The following MEF2A variants were observed in gnomAD, a reference collection of about 807,000 sequenced individuals.
MEF2A encodes myocyte enhancer factor 2A.
In MEF2A, 28 loss-of-function variants were observed where a neutral mutation model predicts 55.8. That is an observed-to-expected ratio of 0.50 (90% CI 0.37 to 0.69). MEF2A has a LOEUF of 0.69. Ranked by LOEUF, MEF2A falls within the 30% of genes least tolerant of loss-of-function variation. The probability of loss-of-function intolerance (pLI) is 0.00; values close to 1 mark genes in which losing one functional copy is unlikely to be tolerated. For synonymous variants in MEF2A, 239 were observed against 227.1 expected (o/e 1.05, Z -0.47); for missense variants, 528 against 626.2 (o/e 0.84, Z 1.67).
intron 4 of MEF2A, among the ~76,000 whole-genome samples, chr15:99,665,984 T>C (rs766876442): frequency 6.6e-6 from 1 of 152,172 alleles, no homozygotes; most frequent in Non-Finnish European, 1.5e-5. Flanking sequence ...TTTATACTGC[T>C]GGTGGGAGTG....
At chr15:99,641,018 G>A (rs1460953575) in intron 3 of MEF2A, among the ~76,000 whole-genome samples, 3 of 151,902 alleles carry the variant, frequency 2.0e-5, no homozygotes, top group Admixed American at 6.6e-5. Context: ...CTGTGATCTC[G>A]CACGTATTTG....
chr15:99,643,808 G>T (rs989522491), intron 3 of MEF2A, among the ~76,000 whole-genome samples: 1 of 151,924 alleles, frequency 6.6e-6, no homozygotes, highest in African/African-American at 2.4e-5. Flanking sequence ...AGCCAAGATG[G>T]TCTCCATCTC....
intron 2 of MEF2A, among the ~76,000 whole-genome samples, chr15:99,617,380 A>G (rs563130467): frequency 8.6e-5 from 13 of 152,022 alleles, no homozygotes; most frequent in African/African-American, 2.7e-4. Context: ...GACACTTTAG[A>G]TATGTTATTA....
At position 99,598,685 on chromosome 15, in the gene MEF2A, A is replaced by G. The variant is rs372726094; in HGVS notation, c.-143+174A>G. 1.0e-3 allele frequency among the ~76,000 whole-genome samples: 157 copies of G among 152,212 alleles called. 3 individuals are homozygous for G. The South Asian group carries it at 0.032, about 31-fold the overall frequency. On this transcript the variant is annotated intron_variant, in intron 2 of 11. Coordinates refer to ENST00000557942, the MANE Select transcript of MEF2A (RefSeq NM_001319206.4). ...GTAAAATTCGGTTGAAATGCGTAAT[A>G]TTGTGTAGTGGCAGTTTCTCTTATA...
chr15:99,629,536 G>C (rs574890857), intron 2 of MEF2A, among the ~76,000 whole-genome samples: 143 of 152,258 alleles, frequency 9.4e-4, no homozygotes, highest in African/African-American at 3.2e-3. Context: ...AAGGGGAAGG[G>C]GTGTCTGTAA....
intron 2 of MEF2A, among the ~76,000 whole-genome samples, chr15:99,622,667 C>T (rs1251102947): frequency 1.3e-5 from 2 of 151,228 alleles, no homozygotes; most frequent in Non-Finnish European, 2.9e-5. Context: ...GCTGTACAGC[C>T]ATCACCACCA....
intron 2 of MEF2A, among the ~76,000 whole-genome samples, chr15:99,608,984 T>C (rs1976150371): frequency 6.6e-6 from 1 of 152,222 alleles, no homozygotes; most frequent in African/African-American, 2.4e-5. Flanking sequence ...GTCTTAACTT[T>C]TCTAACAAGT....
intron 1 of MEF2A, among the ~76,000 whole-genome samples, chr15:99,585,223 A>G (rs1270365308): frequency 6.6e-6 from 1 of 152,198 alleles, no homozygotes; most frequent in Non-Finnish European, 1.5e-5. Flanking sequence ...TTAAGGTTAT[A>G]CAAAATTGTG....
chr15:99,670,764 C>T (rs1165861895), intron 4 of MEF2A, among the ~76,000 whole-genome samples: 1 of 152,094 alleles, frequency 6.6e-6, no homozygotes, highest in Non-Finnish European at 1.5e-5. Context: ...GGAGTCATTG[C>T]AGACATAAAT....
At chr15:99,621,875 T>C (rs1304314157) in intron 2 of MEF2A, among the ~76,000 whole-genome samples, 1 of 152,198 alleles carries the variant, frequency 6.6e-6, no homozygotes, top group Non-Finnish European at 1.5e-5. Context: ...AAAATTTTAA[T>C]GTGTAGTTGA....
At chr15:99,705,205 T>C (rs2057888863) in intron 9 of MEF2A, among the ~76,000 whole-genome samples, 1 of 152,236 alleles carries the variant, frequency 6.6e-6, no homozygotes, top group African/African-American at 2.4e-5. Flanking sequence ...GACAGATTCC[T>C]TTAGAAGCCG....
At chr15:99,693,462 C>G (rs948746508) in intron 8 of MEF2A, among the ~76,000 whole-genome samples, 1 of 152,074 alleles carries the variant, frequency 6.6e-6, no homozygotes, top group Non-Finnish European at 1.5e-5. Flanking sequence ...CACACACTCT[C>G]ACTCCTAGAC....
intron 4 of MEF2A, among the ~76,000 whole-genome samples, chr15:99,664,526 A>G (rs1467260319): frequency 1.3e-5 from 2 of 152,240 alleles, no homozygotes; most frequent in Non-Finnish European, 2.9e-5. Context: ...AATTGGTAAC[A>G]ATTTATGGAA....
intron 8 of MEF2A, among the ~76,000 whole-genome samples, chr15:99,697,681 C>A (rs1373248558): frequency 6.6e-6 from 1 of 152,120 alleles, no homozygotes; most frequent in Non-Finnish European, 1.5e-5. Context: ...AGATTAAACA[C>A]AATTTCAAAA....
At chr15:99,584,632 T>A (rs1478615359) in intron 1 of MEF2A, among the ~76,000 whole-genome samples, 4 of 152,022 alleles carry the variant, frequency 2.6e-5, no homozygotes, top group African/African-American at 9.7e-5. Flanking sequence ...AATAGGCAAA[T>A]GTATAGAGAC....
chr15:99,616,095 T>C (rs1360999785), intron 2 of MEF2A, among the ~76,000 whole-genome samples: 1 of 151,416 alleles, frequency 6.6e-6, no homozygotes, highest in Non-Finnish European at 1.5e-5. Flanking sequence ...GACTAGTTCT[T>C]AAAAAAAAAT....
At chr15:99,690,572 A>G (rs765337320) in intron 8 of MEF2A, 144 bp downstream of exon 8, 4 of 806,190 alleles carry the variant, frequency 5.0e-6, no homozygotes, top group Non-Finnish European at 8.4e-6. Context: ...TTAGTATTTG[A>G]AGAGACAAGT....
intron 5 of MEF2A, 96 bp downstream of exon 5, chr15:99,671,550 G>A (rs1184781770): frequency 1.9e-6 from 3 of 1,613,128 alleles, no homozygotes; most frequent in Admixed American, 1.7e-5. Flanking sequence ...CAGAGGGTGC[G>A]ACAGCCCAGA....
At chr15:99,701,759 G>A (rs1482881184) in intron 8 of MEF2A, among the ~76,000 whole-genome samples, 3 of 152,166 alleles carry the variant, frequency 2.0e-5, no homozygotes, top group African/African-American at 7.2e-5. Context: ...CCAAAAGGGA[G>A]CCAAGAAAAA....
Sources: gnomAD v4.1 joint callset for allele counts (sites outside exome capture counted in the v4.1 genomes callset) on GRCh38, gnomAD v4.1.1 for gene constraint, MANE v1.5 for transcripts, NCBI Gene and HGNC (gene_info 2026-07-23, HGNC 2026-07-21) for gene names.